Variants in ETV3 observed in about 807,000 individuals in gnomAD.
ETV3 encodes the protein ETS variant transcription factor 3.
In ETV3, 8 loss-of-function variants were observed where a neutral mutation model predicts 33.0. The ratio of observed to expected loss-of-function variants is 0.24; its 90% CI spans 0.14 to 0.44. The LOEUF (loss-of-function observed/expected upper bound fraction) is 0.44. Among genes scored for constraint, ETV3 ranks in the 20% least tolerant of loss-of-function variants. ETV3 has a pLI of 1.00. For missense variants in ETV3, 473 were observed against 652.3 expected (o/e 0.73, Z 2.99); for synonymous variants, 222 against 238.9 (o/e 0.93, Z 0.65).
rs897111285 is a variant in ETV3, at chr1:157,121,627, G to A, written c.*3214C>T. Reference sequence around the variant, plus strand: ...ACAGTTCTTGAAAGATTGAATCAAAGTTGTCTTCTAAACAAAATAAAAATG... The same window carrying A: ...ACAGTTCTTGAAAGATTGAATCAAAATTGTCTTCTAAACAAAATAAAAATG... On this transcript the variant is annotated 3_prime_UTR_variant, in exon 5 of 5. Coordinates refer to ENST00000368192, the MANE Select transcript of ETV3 (RefSeq NM_001145312.3). 7 of 152,096 alleles carry A rather than the reference G, an allele frequency of 4.6e-5. No homozygotes were observed. The highest frequency in any genetic ancestry group is 7.2e-5 in the African/African-American group (3 of 41,424). 9.4% of individuals were successfully genotyped at this position (152,096 alleles called of 1,614,324 possible). A position where few individuals can be genotyped will look rare whatever the true frequency, so the allele number is the denominator to read the frequency against.
Position 157,124,653 on chromosome 1 carries a change from T to C in ETV3, c.*188A>G, listed in dbSNP as rs1674782679. 1 of 562,778 alleles carries C rather than the reference T, an allele frequency of 1.8e-6. No individual in the cohort carries two copies. Among genetic ancestry groups the C allele is most frequent in the Admixed American group, 3.6e-5 (1 of 27,616 alleles). The allele number at this position is 562,778 out of a possible 1,614,324, so 34.9% of individuals were successfully genotyped here. ...GTCCTACTCACCAGGAAAATAAGTGTGTTCATATCCCACCTAATTTACAAC... is the reference window on the plus strand; with the variant it reads ...GTCCTACTCACCAGGAAAATAAGTGCGTTCATATCCCACCTAATTTACAAC... On this transcript the variant is annotated 3_prime_UTR_variant, in exon 5 of 5. Transcript: ENST00000368192.
intron 1 of ETV3, among the ~76,000 whole-genome samples, chr1:157,137,289 A>C (rs1391992232): frequency 6.6e-6 from 1 of 152,158 alleles, no homozygotes; most frequent in Non-Finnish European, 1.5e-5. Flanking sequence ...ACAGGCCCTC[A>C]GCATCCACAT....
chr1:157,124,763 C>A lies in ETV3; in HGVS notation c.*78G>T, dbSNP rs754475877. On this transcript the variant is annotated 3_prime_UTR_variant, in exon 5 of 5. Coordinates refer to ENST00000368192, the MANE Select transcript of ETV3 (RefSeq NM_001145312.3). ...ATCAAACCAGTTTAACTCCCTCCCC[C>A]CCACCCTGAAATCTTGCTACATAAA... The A allele has an allele frequency of 2.3e-5, 9 of 395,422 alleles. 1 individual carries two copies. Among genetic ancestry groups the A allele is most frequent in the African/African-American group, 4.2e-5 (2 of 48,074 alleles). 24.5% of individuals were successfully genotyped at this position (395,422 alleles called of 1,614,324 possible).
chr1:157,133,976 C>T, intron 4 of ETV3, 136 bp downstream of exon 4: 2 of 1,463,160 alleles, frequency 1.4e-6, no homozygotes, highest in South Asian at 1.5e-5. Flanking sequence ...TGAGTAAGAA[C>T]ATTGAGGCAA....
chr1:157,132,286 A>G (rs562971711), intron 4 of ETV3, among the ~76,000 whole-genome samples: 1 of 152,328 alleles, frequency 6.6e-6, no homozygotes, highest in South Asian at 2.1e-4. Flanking sequence ...GCTTGGGTTA[A>G]AGATCAATGT....
intron 4 of ETV3, chr1:157,133,871 C>A: frequency 7.4e-7 from 1 of 1,349,514 alleles, no homozygotes; most frequent in Non-Finnish European, 9.5e-7. Context: ...TAGGAGATTA[C>A]AAACAATATG....
rs1400405521 is a variant in ETV3 at position 157,123,588 on chromosome 1, A to C, written c.*1253T>G. The C allele has an allele frequency of 6.6e-6, 1 of 152,086 alleles. No individual in the cohort carries two copies. Among genetic ancestry groups the C allele is most frequent in the African/African-American group, 2.4e-5 (1 of 41,380 alleles). 9.4% of individuals were successfully genotyped at this position (152,086 alleles called of 1,614,324 possible). On this transcript the variant is annotated 3_prime_UTR_variant, in exon 5 of 5. Coordinates refer to ENST00000368192, the MANE Select transcript of ETV3 (RefSeq NM_001145312.3). ...ACCTCTTCCTTCAGTCTCAACATCCACTTGTACCCCCAGCTACCTCCCATG... is the reference window on the plus strand; with the variant it reads ...ACCTCTTCCTTCAGTCTCAACATCCCCTTGTACCCCCAGCTACCTCCCATG...
chr1:157,124,071 A>G lies in ETV3; in HGVS notation c.*770T>C, dbSNP rs1190303027. ...GCTTCTTAATAGGTGAAGTAGGTGA[A>G]AAGTCTGAGAAGCTCACAGCAGGGT... On this transcript the variant is annotated 3_prime_UTR_variant, in exon 5 of 5. Transcript: ENST00000368192. The G allele has an allele frequency of 6.6e-6, 1 of 152,138 alleles. No homozygotes were observed. The highest frequency in any genetic ancestry group is 1.5e-5 in the Non-Finnish European group (1 of 68,026). 9.4% of individuals were successfully genotyped at this position (152,138 alleles called of 1,614,324 possible).
Position 157,130,927 on chromosome 1 carries a change from A to AATGT in ETV3, c.400+3181_400+3184dup, listed in dbSNP as rs1330011606. On this transcript the variant is annotated intron_variant, in intron 4 of 4. Coordinates refer to ENST00000368192, the MANE Select transcript of ETV3 (RefSeq NM_001145312.3). ...TAATGTTATTGTGGTTATGGAGGAG[A>AATGT]ATGTCCTTGTTCCTGGGAAATACAA... Among the ~76,000 whole-genome samples, 3 of 152,310 alleles carry AATGT rather than the reference A, an allele frequency of 2.0e-5. No homozygotes were observed. The East Asian group carries it at 5.8e-4, about 29-fold the overall frequency.
rs1393986886 is a variant in ETV3 at position 157,121,346 on chromosome 1, T to A, written c.*3495A>T. The stretch of plus-strand genomic sequence containing the variant: ...TTACATCATATATATATAATATATA[T>A]GCAAAAATTTGAAGACTTTATAGAA... On this transcript the variant is annotated 3_prime_UTR_variant, in exon 5 of 5. Transcript: ENST00000368192. 1 of 151,774 alleles carries A rather than the reference T, an allele frequency of 6.6e-6. No homozygotes were observed. Among genetic ancestry groups the A allele is most frequent in the Admixed American group, 6.6e-5 (1 of 15,200 alleles). The allele number at this position is 151,774 out of a possible 1,614,324, so 9.4% of individuals were successfully genotyped here.
chr1:157,135,348 G>T, intron 3 of ETV3, 123 bp downstream of exon 3: 1 of 1,189,656 alleles, frequency 8.4e-7, no homozygotes. Flanking sequence ...ACTTTAAAGT[G>T]ACACATTATT....
At chr1:157,134,922 G>C (rs948988247) in intron 3 of ETV3, among the ~76,000 whole-genome samples, 10 of 152,206 alleles carry the variant, frequency 6.6e-5, no homozygotes, top group Admixed American at 2.0e-4. Context: ...ACTATGAAAT[G>C]TAAGACCGAC....
chr1:157,121,352 A>T lies in ETV3; in HGVS notation c.*3489T>A, dbSNP rs190363166. ...CATATATATATAATATATATGCAAA[A>T]ATTTGAAGACTTTATAGAAAGCGGA... On this transcript the variant is annotated 3_prime_UTR_variant, in exon 5 of 5. Coordinates refer to ENST00000368192, the MANE Select transcript of ETV3 (RefSeq NM_001145312.3). 6.6e-6 allele frequency: 1 copy of T among 151,764 alleles called. No individual in the cohort carries two copies. The highest frequency in any genetic ancestry group is 2.4e-5 in the African/African-American group (1 of 41,378). 9.4% of individuals were successfully genotyped at this position (151,764 alleles called of 1,614,324 possible). A position where few individuals can be genotyped will look rare whatever the true frequency, so the allele number is the denominator to read the frequency against.
In ETV3 at chr1:157,137,440, G is replaced by A. The variant is rs540414330; in HGVS notation, c.-14+876C>T. Among the ~76,000 whole-genome samples, 68 of 151,892 alleles carry A rather than the reference G, an allele frequency of 4.5e-4. 1 individual carries two copies. Among genetic ancestry groups the A allele is most frequent in the Admixed American group, 2.0e-3 (31 of 15,230 alleles). Reference sequence around the variant, plus strand: ...AAACACATTAAGGAGACCAGCAAGTGTCAGTCTACAAAACTACTAGCGGCC... The same window carrying A: ...AAACACATTAAGGAGACCAGCAAGTATCAGTCTACAAAACTACTAGCGGCC... On this transcript the variant is annotated intron_variant, in intron 1 of 4. Transcript: ENST00000368192.
chr1:157,127,246 T>C (rs1433351718), intron 4 of ETV3, among the ~76,000 whole-genome samples: 1 of 152,268 alleles, frequency 6.6e-6, no homozygotes, highest in Non-Finnish European at 1.5e-5. Flanking sequence ...ACACTGACCA[T>C]GTTTTAGTAA....
At chr1:157,126,765 TGCCCTGGCTGACTGTGC>T (rs1674847734) in intron 4 of ETV3, among the ~76,000 whole-genome samples, 1 of 149,654 alleles carries the variant, frequency 6.7e-6, no homozygotes, top group African/African-American at 2.5e-5. Flanking sequence ...GGGGCAGAGC[TGCCCTGGCTGACTGTGC>T]GGAGGGACAG....
At position 157,123,898 on chromosome 1, in the gene ETV3, C is replaced by A. The variant is rs1394000088; in HGVS notation, c.*943G>T. The A allele has an allele frequency of 6.6e-6, 1 of 152,148 alleles. No individual in the cohort carries two copies. Among genetic ancestry groups the A allele is most frequent in the African/African-American group, 2.4e-5 (1 of 41,446 alleles). 9.4% of individuals were successfully genotyped at this position (152,148 alleles called of 1,614,324 possible). Reference sequence around the variant, plus strand: ...TGTCATGCCTCTCAGTGAACGTGCTCACAGTCACACTTGGTTTGGCTCCCC... The same window carrying A: ...TGTCATGCCTCTCAGTGAACGTGCTAACAGTCACACTTGGTTTGGCTCCCC... On this transcript the variant is annotated 3_prime_UTR_variant, in exon 5 of 5. Transcript: ENST00000368192.
intron 4 of ETV3, among the ~76,000 whole-genome samples, chr1:157,127,003 G>T (rs56012446): frequency 2.0e-5 from 3 of 151,646 alleles, no homozygotes; most frequent in Non-Finnish European, 4.4e-5. Flanking sequence ...ACTGTGGGGA[G>T]GGGCAGAGCT....
At chr1:157,132,163 G>A (rs1674982957) in intron 4 of ETV3, among the ~76,000 whole-genome samples, 1 of 152,196 alleles carries the variant, frequency 6.6e-6, no homozygotes, top group African/African-American at 2.4e-5. Context: ...GGCCAGGCTG[G>A]TCTTGAACTC....
Sources: allele counts gnomAD v4.1 joint callset (sites outside exome capture counted in the v4.1 genomes callset), GRCh38; gene constraint gnomAD v4.1.1; transcripts MANE v1.5; gene names NCBI Gene and HGNC (gene_info 2026-07-23, HGNC 2026-07-21).